Variants in SGCD observed in about 807,000 individuals in gnomAD.
The protein encoded by SGCD is delta-sarcoglycan.
A neutral mutation model predicts 36.6 loss-of-function variants in SGCD; 18 were observed. The ratio of observed to expected loss-of-function variants is 0.49; its 90% CI spans 0.34 to 0.73. SGCD has a LOEUF of 0.73. SGCD is among the 30% of genes least tolerant of loss of function. The pLI is 0.01. For synonymous variants in SGCD, 133 were observed against 130.6 expected (o/e 1.02, Z -0.12); for missense variants, 387 against 346.7 (o/e 1.12, Z -0.92).
At chr5:156,578,360 T>A (rs1385257835) in intron 4 of SGCD, among the ~76,000 whole-genome samples, 2 of 152,228 alleles carry the variant, frequency 1.3e-5, no homozygotes, top group Non-Finnish European at 2.9e-5. Flanking sequence ...TCAGGGATAT[T>A]GGTCTAAAAT....
chr5:155,956,855 TCTGCAAA>T (rs1232503473), intron 1 of SGCD, among the ~76,000 whole-genome samples: 1 of 148,382 alleles, frequency 6.7e-6, no homozygotes, highest in African/African-American at 2.5e-5. Flanking sequence ...CTTAGTTATG[TCTGCAAA>T]GATCCTTTTT....
At chr5:156,638,176 C>T (rs952248923) in intron 6 of SGCD, among the ~76,000 whole-genome samples, 5 of 151,148 alleles carry the variant, frequency 3.3e-5, no homozygotes, top group African/African-American at 1.2e-4. Flanking sequence ...CCATGTGAGT[C>T]TTGATTGCTG....
At chr5:156,271,771 A>G (rs994728135) in intron 3 of SGCD, among the ~76,000 whole-genome samples, 15 of 152,124 alleles carry the variant, frequency 9.9e-5, no homozygotes, top group African/African-American at 3.6e-4. Flanking sequence ...CTCCCCTTGC[A>G]TACAGTCTAA....
chr5:156,684,431 A>G (rs1753834043), intron 7 of SGCD, among the ~76,000 whole-genome samples: 1 of 152,206 alleles, frequency 6.6e-6, no homozygotes, highest in African/African-American at 2.4e-5. Context: ...TATAGATTCC[A>G]GCTATGGTGA....
chr5:156,737,799 G>A (rs1756451072), intron 7 of SGCD, among the ~76,000 whole-genome samples: 1 of 152,144 alleles, frequency 6.6e-6, no homozygotes, highest in Admixed American at 6.6e-5. Flanking sequence ...CATGAAGTGT[G>A]TTTCAGGGCT....
At chr5:155,969,744 G>A (rs1057329865) in intron 1 of SGCD, among the ~76,000 whole-genome samples, 3 of 152,178 alleles carry the variant, frequency 2.0e-5, no homozygotes, top group Middle Eastern at 3.4e-3. Context: ...ACGTGGGCTA[G>A]TGTGTGGAAA....
intron 3 of SGCD, among the ~76,000 whole-genome samples, chr5:156,139,158 AAGAAC>A: frequency 6.6e-6 from 1 of 152,272 alleles, no homozygotes; most frequent in East Asian, 1.9e-4. Flanking sequence ...TTGTCTTCTG[AAGAAC>A]AGGAGTTATT....
intron 5 of SGCD, among the ~76,000 whole-genome samples, chr5:156,589,722 G>A (rs1561799206): frequency 1.3e-5 from 2 of 152,150 alleles, no homozygotes; most frequent in Admixed American, 6.5e-5. Flanking sequence ...TACTTTATGG[G>A]CTGTGAAAGG....
At chr5:156,318,195 G>A (rs1448047190) in intron 3 of SGCD, among the ~76,000 whole-genome samples, 2 of 152,190 alleles carry the variant, frequency 1.3e-5, no homozygotes, top group Non-Finnish European at 2.9e-5. Context: ...ATGAGAAATA[G>A]TATCACATGC....
chr5:156,009,753 T>A (rs987748760), intron 1 of SGCD, among the ~76,000 whole-genome samples: 1 of 152,208 alleles, frequency 6.6e-6, no homozygotes, highest in Non-Finnish European at 1.5e-5. Context: ...ATTACTCACT[T>A]GAATTAGTCT....
chr5:156,644,127 G>T (rs765983159), intron 6 of SGCD, among the ~76,000 whole-genome samples: 1 of 152,080 alleles, frequency 6.6e-6, no homozygotes. Context: ...TTAAAAGAAC[G>T]CTTCTTGAAA....
At chr5:156,524,936 C>T (rs1003492255) in intron 4 of SGCD, among the ~76,000 whole-genome samples, 5 of 152,016 alleles carry the variant, frequency 3.3e-5, no homozygotes, top group African/African-American at 4.8e-5. Flanking sequence ...AAATAGTATT[C>T]CATTGTGTAT....
intron 1 of SGCD, among the ~76,000 whole-genome samples, chr5:156,042,547 G>T (rs1347996555): frequency 6.6e-6 from 1 of 152,174 alleles, no homozygotes; most frequent in Non-Finnish European, 1.5e-5. Flanking sequence ...ACTCAAATCA[G>T]TCTCCTCGAA....
At chr5:155,969,243 G>GCAGT (rs1757961527) in intron 1 of SGCD, among the ~76,000 whole-genome samples, 1 of 152,066 alleles carries the variant, frequency 6.6e-6, no homozygotes, top group Non-Finnish European at 1.5e-5. Context: ...GATTGACATG[G>GCAGT]CATAGGTAGA....
At chr5:155,991,330 G>C (rs1758428349) in intron 1 of SGCD, among the ~76,000 whole-genome samples, 1 of 152,078 alleles carries the variant, frequency 6.6e-6, no homozygotes, top group Admixed American at 6.6e-5. Flanking sequence ...TTATGCTTAG[G>C]GGAATATGAA....
At position 156,442,466 on chromosome 5, in the gene SGCD, T is replaced by A. The variant is rs144397194; in HGVS notation, c.193-66135T>A. 3.2e-3 allele frequency among the ~76,000 whole-genome samples: 480 copies of A among 152,338 alleles called. 3 individuals are homozygous for A. The highest frequency in any genetic ancestry group is 0.011 in the African/African-American group (451 of 41,596). On this transcript the variant is annotated intron_variant, in intron 3 of 8. Transcript: ENST00000337851. ...AAAAATTCTGTTGGTGGTTGTTAAA[T>A]TATTTCATTTTTAAAAAGACAATGC...
intron 4 of SGCD, among the ~76,000 whole-genome samples, chr5:156,563,268 C>T (rs1759344304): frequency 2.6e-5 from 4 of 152,214 alleles, no homozygotes. Context: ...AGGCGTGAGA[C>T]ACCATGCCCA....
chr5:155,909,277 A>G (rs1420213592), intron 1 of SGCD, among the ~76,000 whole-genome samples: 1 of 152,132 alleles, frequency 6.6e-6, no homozygotes, highest in African/African-American at 2.4e-5. Context: ...TTTTATTCTA[A>G]TAGACCTTAA....
intron 6 of SGCD, among the ~76,000 whole-genome samples, chr5:156,612,879 A>T (rs1470875042): frequency 6.6e-6 from 1 of 152,166 alleles, no homozygotes; most frequent in Non-Finnish European, 1.5e-5. Context: ...CAACTGCATG[A>T]CTCAACTCCC....
Sources: allele counts gnomAD v4.1 joint callset (sites outside exome capture counted in the v4.1 genomes callset), GRCh38; gene constraint gnomAD v4.1.1; transcripts MANE v1.5; gene names NCBI Gene and HGNC (gene_info 2026-07-23, HGNC 2026-07-21).